TERF1: variants seen among roughly 807,000 people sequenced by gnomAD.
The protein encoded by TERF1 is telomeric repeat-binding factor 1.
In TERF1, 20 loss-of-function variants were observed where a neutral mutation model predicts 55.1. The observed-to-expected ratio is 0.36, with a 90% confidence interval of 0.26 to 0.53. TERF1 has a LOEUF of 0.53. Among genes scored for constraint, TERF1 ranks in the 20% least tolerant of loss-of-function variants. The pLI is 0.91. For synonymous variants in TERF1, 168 were observed against 181.2 expected, an observed-to-expected ratio of 0.93 and a Z score of 0.59; for missense variants, 439 against 535.7, an observed-to-expected ratio of 0.82 and a Z score of 1.78.
At chr8:73,028,383 T>C (rs1809112936) in intron 6 of TERF1, among the ~76,000 whole-genome samples, 1 of 152,122 alleles carries the variant, frequency 6.6e-6, no homozygotes, top group South Asian at 2.1e-4. Context: ...TCAGAAATGC[T>C]TCTCCAATCT....
chr8:73,009,352 T>A, intron 1 of TERF1, 147 bp downstream of exon 1: 2 of 728,192 alleles, frequency 2.7e-6, no homozygotes, highest in South Asian at 1.9e-5. Flanking sequence ...GGCTGAACTT[T>A]GTTCGAATCC....
Position 73,047,631 on chromosome 8 carries a change from T to C in TERF1, c.*1494T>C, listed in dbSNP as rs1810097421. 6.6e-6 allele frequency: 1 copy of C among 152,236 alleles called. No homozygotes were observed. The highest frequency in any genetic ancestry group is 1.5e-5 in the Non-Finnish European group (1 of 68,046). The allele number at this position is 152,236 out of a possible 1,614,324, so 9.4% of individuals were successfully genotyped here. On this transcript the variant is annotated 3_prime_UTR_variant, in exon 10 of 10. Coordinates refer to ENST00000276603, the MANE Select transcript of TERF1 (RefSeq NM_017489.3). ...AATATTGAAGTATTTGCATAAAAAA[T>C]CAAATGGTGGTGTTTTGTAATCTCT...
At chr8:73,019,251 A>G (rs1157218122) in intron 2 of TERF1, among the ~76,000 whole-genome samples, 1 of 152,198 alleles carries the variant, frequency 6.6e-6, no homozygotes, top group African/African-American at 2.4e-5. Context: ...AAATGAAAAC[A>G]TTAGCATTAT....
chr8:73,033,360 G>A (rs574573766), intron 8 of TERF1, among the ~76,000 whole-genome samples: 33 of 152,156 alleles, frequency 2.2e-4, no homozygotes, highest in East Asian at 1.9e-4. Context: ...GCTGCAAGAC[G>A]GCTGGGAATC....
At chr8:73,016,705 A>C (rs917061298) in intron 2 of TERF1, among the ~76,000 whole-genome samples, 1 of 152,224 alleles carries the variant, frequency 6.6e-6, no homozygotes, top group East Asian at 1.9e-4. Context: ...TGGGAGACTT[A>C]ATGTGCCTTT....
intron 8 of TERF1, among the ~76,000 whole-genome samples, chr8:73,037,792 A>ATG (rs1809641036): frequency 1.0e-4 from 5 of 49,346 alleles, no homozygotes; most frequent in South Asian, 4.5e-4. Flanking sequence ...TATATAATAT[A>ATG]TAGTATAATA....
intron 8 of TERF1, among the ~76,000 whole-genome samples, chr8:73,037,763 TA>T (rs1809633305): frequency 1.6e-5 from 1 of 62,146 alleles, no homozygotes; most frequent in Non-Finnish European, 3.1e-5. Flanking sequence ...TAATATTATA[TA>T]GTATAATATA....
chr8:73,021,771 A>G (rs371156556), intron 3 of TERF1, among the ~76,000 whole-genome samples: 1 of 152,290 alleles, frequency 6.6e-6, no homozygotes, highest in East Asian at 1.9e-4. Flanking sequence ...TCATTAAAAA[A>G]CATCTAGCTT....
Position 73,009,254 on chromosome 8 carries a change from G to A in TERF1, c.319+49G>A, listed in dbSNP as rs55882538. 5.6e-5 allele frequency: 88 copies of A among 1,565,912 alleles called. 1 individual carries two copies. The highest frequency in any genetic ancestry group is 4.0e-4 in the Middle Eastern group (2 of 4,978). ...CGGGACTACGCGGGGGGCGGATGCGGGCTCCGTGGTGCGCGGCAGAGGGCT... is the reference window on the plus strand; with the variant it reads ...CGGGACTACGCGGGGGGCGGATGCGAGCTCCGTGGTGCGCGGCAGAGGGCT... On this transcript the variant is annotated intron_variant, in intron 1 of 9. Coordinates refer to ENST00000276603, the MANE Select transcript of TERF1 (RefSeq NM_017489.3).
intron 9 of TERF1, among the ~76,000 whole-genome samples, chr8:73,043,974 A>T (rs1809933905): frequency 6.6e-6 from 1 of 152,222 alleles, no homozygotes; most frequent in Non-Finnish European, 1.5e-5. Context: ...CCAAATTTGT[A>T]TATGAAATTT....
chr8:73,038,707 T>A (rs933558881), intron 8 of TERF1: 5 of 912,518 alleles, frequency 5.5e-6, no homozygotes, highest in Non-Finnish European at 6.5e-6. Context: ...TCTTTTCAGT[T>A]ACATATATTT....
At chr8:73,015,203 T>G (rs1365235013) in intron 2 of TERF1, among the ~76,000 whole-genome samples, 2 of 152,128 alleles carry the variant, frequency 1.3e-5, no homozygotes, top group African/African-American at 4.8e-5. Flanking sequence ...CTAGATATAA[T>G]AGGCCAGGGT....
intron 8 of TERF1, among the ~76,000 whole-genome samples, chr8:73,037,709 T>TTA (rs1196050773): frequency 1.2e-5 from 1 of 84,856 alleles, no homozygotes; most frequent in Non-Finnish European, 2.1e-5. Context: ...TAATATTATA[T>TTA]TATATATAAT....
intron 4 of TERF1, among the ~76,000 whole-genome samples, chr8:73,022,910 C>CA (rs1248784018): frequency 2.6e-5 from 4 of 152,074 alleles, no homozygotes; most frequent in African/African-American, 9.7e-5. Flanking sequence ...CCAGCCTAAG[C>CA]AACAGAGAGA....
At chr8:73,021,050 T>C (rs1403892766) in intron 3 of TERF1, among the ~76,000 whole-genome samples, 1 of 152,130 alleles carries the variant, frequency 6.6e-6, no homozygotes, top group Admixed American at 6.5e-5. Context: ...GCACTCTCAA[T>C]TGATGCTTAA....
At chr8:73,017,917 G>A (rs1808586836) in intron 2 of TERF1, among the ~76,000 whole-genome samples, 1 of 152,004 alleles carries the variant, frequency 6.6e-6, no homozygotes, top group South Asian at 2.1e-4. Flanking sequence ...TGGCCAGGAT[G>A]GTCTCAATTT....
chr8:73,024,545 T>C (rs1263561171), intron 4 of TERF1, among the ~76,000 whole-genome samples: 3 of 152,210 alleles, frequency 2.0e-5, no homozygotes, highest in African/African-American at 4.8e-5. Context: ...CCATATTGAT[T>C]ATGTTTTATT....
Position 73,026,979 on chromosome 8 carries a change from A to G in TERF1, c.814A>G (p.Ile272Val). ...KVVESKRTRT[I>V]TSQDKPSGND... ...AGTAGAAAGCAAAAGGACAAGAACAATAACTTCTCAAGATAAACCTAGTGG... is the reference window on the plus strand; with the variant it reads ...AGTAGAAAGCAAAAGGACAAGAACAGTAACTTCTCAAGATAAACCTAGTGG... The change falls in exon 6 of 10, where the codon ATA becomes GTA. Residue 272 changes from isoleucine (I) to valine (V), a missense_variant. By Grantham distance (29) the Ile-to-Val change is conservative (BLOSUM62 3). Around this residue, in one of 4 missense-constraint regions of TERF1, gnomAD observed 140 missense variants for 158.6 expected, o/e 0.88. Coordinates refer to ENST00000276603, the MANE Select transcript of TERF1 (RefSeq NM_017489.3). The G allele has an allele frequency of 1.2e-6, 2 of 1,612,386 alleles. No homozygotes were observed. The highest frequency in any genetic ancestry group is 4.5e-5 in the East Asian group (2 of 44,846).
chr8:73,021,030 A>G (rs1294361048), intron 3 of TERF1, among the ~76,000 whole-genome samples: 1 of 152,122 alleles, frequency 6.6e-6, no homozygotes, highest in Non-Finnish European at 1.5e-5. Context: ...TTTAAAAACC[A>G]GGGGTTTGTG....
Sources: allele counts gnomAD v4.1 joint callset (sites outside exome capture counted in the v4.1 genomes callset), GRCh38; gene constraint gnomAD v4.1.1; regional missense constraint gnomAD v4.1.1; transcripts MANE v1.5; gene names NCBI Gene and HGNC (gene_info 2026-07-23, HGNC 2026-07-21).